The following PPP3CA variants were observed in gnomAD, a reference collection of about 807,000 sequenced individuals.
PPP3CA encodes CAM-PRP catalytic subunit.
Under a neutral mutation model 66.5 loss-of-function variants are expected in PPP3CA, and 14 were observed. That is an observed-to-expected ratio of 0.21 (90% CI 0.14 to 0.33). The LOEUF (loss-of-function observed/expected upper bound fraction) is 0.33. Among genes scored for constraint, PPP3CA ranks in the 10% least tolerant of loss-of-function variants. The pLI is 1.00. For synonymous variants in PPP3CA, 232 were observed against 226.2 expected, an observed-to-expected ratio of 1.03 and a Z score of -0.23; for missense variants, 317 against 639.5, an observed-to-expected ratio of 0.50 and a Z score of 5.44.
intron 2 of PPP3CA, among the ~76,000 whole-genome samples, chr4:101,152,855 C>T (rs1353298787): frequency 3.3e-5 from 5 of 151,976 alleles, no homozygotes; most frequent in African/African-American, 9.7e-5. Context: ...TCTAAGTGTA[C>T]TAGTCTCACT....
chr4:101,124,719 A>AGAGAGAGAGAGAG (rs1722162231), intron 2 of PPP3CA, among the ~76,000 whole-genome samples: 1 of 79,652 alleles, frequency 1.3e-5, no homozygotes, highest in African/African-American at 4.5e-5. Flanking sequence ...GAAAGAAAGA[A>AGAGAGAGAGAGAG]AGAAAGAGAA....
chr4:101,297,194 T>C (rs1044624324), intron 1 of PPP3CA, among the ~76,000 whole-genome samples: 3 of 152,232 alleles, frequency 2.0e-5, no homozygotes, highest in African/African-American at 7.2e-5. Context: ...CGTGACAAGT[T>C]GTCTGGGCTT....
chr4:101,183,236 C>T (rs1724299475), intron 2 of PPP3CA, among the ~76,000 whole-genome samples: 1 of 152,068 alleles, frequency 6.6e-6, no homozygotes, highest in Non-Finnish European at 1.5e-5. Flanking sequence ...TGACCTCTGT[C>T]CCATGGTTAG....
intron 1 of PPP3CA, among the ~76,000 whole-genome samples, chr4:101,319,788 C>T (rs1452349684): frequency 6.6e-6 from 1 of 152,012 alleles, no homozygotes; most frequent in Non-Finnish European, 1.5e-5. Flanking sequence ...TATCAAGAAA[C>T]CTATTTTAAA....
At chr4:101,301,713 T>C (rs1488148783) in intron 1 of PPP3CA, among the ~76,000 whole-genome samples, 2 of 148,930 alleles carry the variant, frequency 1.3e-5, no homozygotes, top group African/African-American at 4.9e-5. Context: ...AGGCTGGTCT[T>C]AGCTCCTGAC....
intron 2 of PPP3CA, among the ~76,000 whole-genome samples, chr4:101,179,267 T>A (rs1028096882): frequency 6.6e-6 from 1 of 151,736 alleles, no homozygotes; most frequent in South Asian, 2.1e-4. Context: ...GCTACAGAAC[T>A]GAGCCTAGAT....
intron 1 of PPP3CA, among the ~76,000 whole-genome samples, chr4:101,304,343 A>C (rs999726941): frequency 9.9e-5 from 15 of 152,158 alleles, no homozygotes; most frequent in Admixed American, 2.0e-4. Flanking sequence ...TTTAATGGAA[A>C]TGTCATTTCT....
chr4:101,346,296 G>A (rs2583391), intron 1 of PPP3CA, among the ~76,000 whole-genome samples: 66,028 of 151,846 alleles, frequency 0.43, 16,762 homozygotes, highest in African/African-American at 0.7. Context: ...TAAAAATGCC[G>A]TATTAATTTT....
intron 1 of PPP3CA, among the ~76,000 whole-genome samples, chr4:101,259,741 A>C (rs762889178): frequency 2.0e-5 from 3 of 152,092 alleles, no homozygotes; most frequent in Non-Finnish European, 4.4e-5. Context: ...ACCATCCTAA[A>C]GGATGTTGAC....
At chr4:101,099,918 C>T (rs944153453) in intron 3 of PPP3CA, among the ~76,000 whole-genome samples, 196 bp from the exon 4 acceptor site, 10 of 151,782 alleles carry the variant, frequency 6.6e-5, no homozygotes, top group Non-Finnish European at 1.3e-4. Context: ...GGTCCATCTA[C>T]ACCTAAAACA....
At chr4:101,148,451 T>C (rs927399824) in intron 2 of PPP3CA, among the ~76,000 whole-genome samples, 2 of 152,166 alleles carry the variant, frequency 1.3e-5, no homozygotes, top group African/African-American at 4.8e-5. Flanking sequence ...TTTATCTTTC[T>C]AAACAGGAAT....
intron 10 of PPP3CA, among the ~76,000 whole-genome samples, chr4:101,051,882 A>G (rs1728027488): frequency 6.6e-6 from 1 of 152,168 alleles, no homozygotes; most frequent in African/African-American, 2.4e-5. Flanking sequence ...TATAAAATAT[A>G]TATTATACAT....
intron 2 of PPP3CA, among the ~76,000 whole-genome samples, chr4:101,142,113 T>C (rs111752790): frequency 0.04 from 6,034 of 148,990 alleles, 196 homozygotes; most frequent in Middle Eastern, 0.11. Flanking sequence ...TGGATAAAAA[T>C]AATACATAAT....
intron 3 of PPP3CA, among the ~76,000 whole-genome samples, chr4:101,105,705 A>G (rs1391024459): frequency 6.6e-6 from 1 of 152,204 alleles, no homozygotes; most frequent in Non-Finnish European, 1.5e-5. Flanking sequence ...GCCACACATG[A>G]TGTAGTATCG....
intron 1 of PPP3CA, among the ~76,000 whole-genome samples, chr4:101,202,944 T>C (rs1338833395): frequency 6.6e-6 from 1 of 152,212 alleles, no homozygotes. Flanking sequence ...AGATACAGTA[T>C]GTGTCTTGAT....
chr4:101,290,588 GC>G (rs1303523450), intron 1 of PPP3CA, among the ~76,000 whole-genome samples: 3 of 152,168 alleles, frequency 2.0e-5, no homozygotes, highest in Non-Finnish European at 4.4e-5. Context: ...GGATGGAGCA[GC>G]GATCAAAACA....
At chr4:101,263,409 T>C (rs1156268582) in intron 1 of PPP3CA, among the ~76,000 whole-genome samples, 1 of 152,186 alleles carries the variant, frequency 6.6e-6, no homozygotes, top group Admixed American at 6.5e-5. Flanking sequence ...GTAAAAGATG[T>C]GGTGTATCTC....
intron 10 of PPP3CA, among the ~76,000 whole-genome samples, chr4:101,050,183 G>C (rs923948473): frequency 3.3e-5 from 5 of 152,056 alleles, no homozygotes; most frequent in African/African-American, 1.2e-4. Context: ...GGATGTGCTA[G>C]TTGAAAATGT....
At chr4:101,048,613 G>A (rs1438855341) in intron 10 of PPP3CA, among the ~76,000 whole-genome samples, 1 of 150,382 alleles carries the variant, frequency 6.6e-6, no homozygotes, top group Admixed American at 6.7e-5. Context: ...AAAAAATCCT[G>A]GTAAAAATTC....
Sources: gnomAD v4.1 joint callset for allele counts (sites outside exome capture counted in the v4.1 genomes callset) on GRCh38, gnomAD v4.1.1 for gene constraint, MANE v1.5 for transcripts, NCBI Gene and HGNC (gene_info 2026-07-23, HGNC 2026-07-21) for gene names.